Variants in PTK2B observed in about 807,000 individuals in gnomAD.
PTK2B encodes the protein protein tyrosine kinase 2 beta.
A neutral mutation model predicts 142.9 loss-of-function variants in PTK2B; 71 were observed. That is an observed-to-expected ratio of 0.50 (90% confidence interval 0.41 to 0.61). The LOEUF (loss-of-function observed/expected upper bound fraction) is 0.61. PTK2B is among the 20% of genes least tolerant of loss of function. The pLI, the probability that PTK2B is intolerant of heterozygous loss-of-function variation, is 0.00. For synonymous variants in PTK2B, 519 were observed against 503.4 expected (o/e 1.03, Z -0.42); for missense variants, 1,105 against 1,320.4 (o/e 0.84, Z 2.53).
At chr8:27,410,221 A>G (rs1457949182) in intron 2 of PTK2B, among the ~76,000 whole-genome samples, 3 of 152,216 alleles carry the variant, frequency 2.0e-5, no homozygotes, top group South Asian at 4.1e-4. Context: ...GGAGGCTTGC[A>G]TTGGAGGAAG....
chr8:27,347,023 C>T (rs1804751431), intron 1 of PTK2B, among the ~76,000 whole-genome samples: 3 of 152,164 alleles, frequency 2.0e-5, no homozygotes, highest in Admixed American at 2.0e-4. Context: ...GGTGGGTTTT[C>T]AGATGTCGTG....
intron 1 of PTK2B, among the ~76,000 whole-genome samples, chr8:27,353,021 G>C (rs1805189341): frequency 6.6e-6 from 1 of 152,150 alleles, no homozygotes; most frequent in Non-Finnish European, 1.5e-5. Context: ...AGAGTATGGG[G>C]GTCTCCTTCA....
chr8:27,458,354 C>T lies in PTK2B; in HGVS notation c.2875C>T (p.Leu959=). ...DLAELINKMR[L]AQQNAVTSLS... is the part of the protein sequence containing the mutation. ...GGCAGAGCTCATCAACAAGATGCGGCTGGCACAGCAGAACGCCGTGACCTC... is the reference window on the plus strand; with the variant it reads ...GGCAGAGCTCATCAACAAGATGCGGTTGGCACAGCAGAACGCCGTGACCTC... Residue 959 remains leucine, a synonymous_variant, in exon 31 of 31, where the codon CTG becomes TTG. Coordinates refer to ENST00000346049, the MANE Select transcript of PTK2B (RefSeq NM_173176.3). 2 of 1,614,052 alleles carry T rather than the reference C, an allele frequency of 1.2e-6. No individual in the cohort carries two copies. The highest frequency in any genetic ancestry group is 1.7e-6 in the Non-Finnish European group (2 of 1,179,980).
chr8:27,428,454 C>G (rs188596595), intron 5 of PTK2B, among the ~76,000 whole-genome samples: 2 of 152,364 alleles, frequency 1.3e-5, no homozygotes, highest in East Asian at 3.9e-4. Flanking sequence ...CCATTGCTTA[C>G]CTCCCTCTGT....
intron 1 of PTK2B, among the ~76,000 whole-genome samples, chr8:27,376,819 A>G (rs1041024911): frequency 1.4e-4 from 21 of 152,358 alleles, no homozygotes; most frequent in Middle Eastern, 3.4e-3. Flanking sequence ...CATGTCATCA[A>G]GAAATAACTA....
At position 27,450,778 on chromosome 8, in the gene PTK2B, A is replaced by C. The variant is rs971145639; in HGVS notation, c.2370A>C (p.Arg790=). ...AGGACTTCATCCAACCCAGCAGCCG[A>C]GAAGAGGCCCAGCAGCTGTGGGAGG... The part of the protein sequence containing the change: ...REEDFIQPSS[R]EEAQQLWEAE... Residue 790 remains arginine, a synonymous_variant, in exon 25 of 31, where the codon CGA becomes CGC. Transcript: ENST00000346049. 5 of 1,614,020 alleles carry C rather than the reference A, an allele frequency of 3.1e-6. No individual in the cohort carries two copies. The highest frequency in any genetic ancestry group is 4.2e-6 in the Non-Finnish European group (5 of 1,180,016).
upstream of PTK2B, among the ~76,000 whole-genome samples, chr8:27,321,289 C>T (rs906785804): frequency 4.6e-5 from 7 of 152,080 alleles, no homozygotes; most frequent in African/African-American, 7.2e-5. Flanking sequence ...AGCCACCATG[C>T]CTGGCCTCAA....
chr8:27,366,186 C>G (rs1446131991), intron 1 of PTK2B, among the ~76,000 whole-genome samples: 1 of 152,212 alleles, frequency 6.6e-6, no homozygotes, highest in African/African-American at 2.4e-5. Context: ...GCACAAGTCA[C>G]TAGAAAATCT....
chr8:27,384,809 A>C (rs1807241449), intron 1 of PTK2B, among the ~76,000 whole-genome samples: 1 of 152,214 alleles, frequency 6.6e-6, no homozygotes, highest in African/African-American at 2.4e-5. Context: ...CAGCGATGCC[A>C]ACATGCATGT....
intron 1 of PTK2B, among the ~76,000 whole-genome samples, chr8:27,328,720 C>T (rs927457339): frequency 1.3e-5 from 2 of 152,192 alleles, no homozygotes; most frequent in South Asian, 2.1e-4. Context: ...TAAAAAGACA[C>T]GTGTCATTCC....
At chr8:27,446,863 C>T (rs1424602102) in intron 24 of PTK2B, among the ~76,000 whole-genome samples, 2 of 152,276 alleles carry the variant, frequency 1.3e-5, no homozygotes, top group Middle Eastern at 3.4e-3. Flanking sequence ...ACTTAGAATT[C>T]CAGACACTAA....
chr8:27,368,516 A>G (rs977170724), intron 1 of PTK2B, among the ~76,000 whole-genome samples: 1 of 152,130 alleles, frequency 6.6e-6, no homozygotes, highest in Non-Finnish European at 1.5e-5. Flanking sequence ...TCCCTCCCCT[A>G]TTGGAATAGT....
At chr8:27,344,631 C>CCCCTCGT (rs1237822143) in intron 1 of PTK2B, among the ~76,000 whole-genome samples, 4 of 152,164 alleles carry the variant, frequency 2.6e-5, no homozygotes, top group Admixed American at 2.6e-4. Context: ...CAGGATCCCA[C>CCCCTCGT]CCCTCGTCCG....
At chr8:27,324,338 G>T (rs1803303123), upstream of PTK2B, among the ~76,000 whole-genome samples, 1 of 152,204 alleles carries the variant, frequency 6.6e-6, no homozygotes, top group African/African-American at 2.4e-5. Context: ...GGGGTGGGGG[G>T]GCTCCAGCTG....
chr8:27,343,470 T>C (rs575034542), intron 1 of PTK2B, among the ~76,000 whole-genome samples: 10 of 152,324 alleles, frequency 6.6e-5, no homozygotes, highest in Non-Finnish European at 1.5e-4. Flanking sequence ...GGGGACCCCA[T>C]GTAGTCCCCA....
At chr8:27,409,470 T>C (rs540412011) in intron 2 of PTK2B, among the ~76,000 whole-genome samples, 31 of 152,038 alleles carry the variant, frequency 2.0e-4, no homozygotes, top group African/African-American at 7.5e-4. Context: ...AAGAGCATGC[T>C]GTGTTGGGGG....
intron 1 of PTK2B, among the ~76,000 whole-genome samples, chr8:27,337,299 C>T (rs1371575841): frequency 6.6e-6 from 1 of 152,112 alleles, no homozygotes; most frequent in African/African-American, 2.4e-5. Flanking sequence ...TCATGCCTGG[C>T]TAGTTTTTGT....
chr8:27,359,501 T>C (rs562785433), intron 1 of PTK2B, among the ~76,000 whole-genome samples: 2 of 152,332 alleles, frequency 1.3e-5, no homozygotes, highest in South Asian at 2.1e-4. Context: ...CTGCTGCCCC[T>C]TTCTCAAGGT....
Position 27,433,356 on chromosome 8 carries a change from G to A in PTK2B, c.988-79G>A, listed in dbSNP as rs530672032. On this transcript the variant is annotated intron_variant, in intron 10 of 30. Transcript: ENST00000346049. ...AGGCAAGGGTTGTGGCAGGGGTCCT[G>A]CCATCTCTTCTCCAGCCCTGGGGGT... 13 of 1,260,442 alleles carry A rather than the reference G, an allele frequency of 1.0e-5. No homozygotes were observed. The South Asian group carries it at 1.0e-4, about 10-fold the overall frequency. 78.1% of individuals were successfully genotyped at this position (1,260,442 alleles called of 1,614,324 possible). A position where few individuals can be genotyped will look rare whatever the true frequency, so the allele number is the denominator to read the frequency against.
Sources: gnomAD v4.1 joint callset for allele counts (sites outside exome capture counted in the v4.1 genomes callset) on GRCh38, gnomAD v4.1.1 for gene constraint, MANE v1.5 for transcripts, NCBI Gene and HGNC (gene_info 2026-07-23, HGNC 2026-07-21) for gene names.